GSR: variants seen among roughly 807,000 people sequenced by gnomAD.
GSR encodes glutathione reductase, mitochondrial.
In GSR, 48 loss-of-function variants were observed where a neutral mutation model predicts 56.5. That is an observed-to-expected ratio of 0.85 (90% CI 0.67 to 1.08). The LOEUF (loss-of-function observed/expected upper bound fraction) is 1.08, where lower values mean the gene tolerates loss of function less well. Among genes scored for constraint, GSR ranks in the 50% least tolerant of loss-of-function variants. The pLI, the probability that GSR is intolerant of heterozygous loss-of-function variation, is 0.00. For synonymous variants in GSR, 264 were observed against 270.8 expected (o/e 0.97, Z 0.25); for missense variants, 694 against 703.3 (o/e 0.99, Z 0.15).
At chr8:30,690,137 T>C (rs1471985395) in intron 8 of GSR, among the ~76,000 whole-genome samples, 3 of 138,010 alleles carry the variant, frequency 2.2e-5, no homozygotes, top group Non-Finnish European at 4.6e-5. Flanking sequence ...TAAATATACA[T>C]TTACATATAA....
At chr8:30,697,774 G>A (rs1219101135) in intron 6 of GSR, among the ~76,000 whole-genome samples, 29 of 152,120 alleles carry the variant, frequency 1.9e-4, no homozygotes, top group Admixed American at 1.3e-3. Flanking sequence ...GGCTGGTCTC[G>A]AACTCCTAGG....
chr8:30,723,670 T>C (rs189354994), intron 1 of GSR, among the ~76,000 whole-genome samples: 72 of 151,660 alleles, frequency 4.7e-4, no homozygotes, highest in Admixed American at 1.2e-3. Flanking sequence ...CCTGCGCCTG[T>C]AGTCCCAGCT....
intron 4 of GSR, 108 bp downstream of exon 4, chr8:30,707,964 A>G: frequency 1.5e-6 from 1 of 678,996 alleles, no homozygotes; most frequent in Non-Finnish European, 2.4e-6. Context: ...CTCCAAAAAA[A>G]TAATAATAAA....
chr8:30,693,894 G>A (rs929411535), intron 7 of GSR, among the ~76,000 whole-genome samples: 9 of 152,198 alleles, frequency 5.9e-5, no homozygotes, highest in Non-Finnish European at 7.3e-5. Flanking sequence ...GTGCATTTGG[G>A]ATGGGAGAGG....
intron 10 of GSR, among the ~76,000 whole-genome samples, chr8:30,683,134 A>AT (rs1242135821): frequency 6.6e-6 from 1 of 151,998 alleles, no homozygotes; most frequent in Admixed American, 6.6e-5. Flanking sequence ...CTGAATCTTT[A>AT]TTTTTTTAAT....
In GSR at chr8:30,680,381, G is replaced by GTTTTGTTTTTTTTTTTTTTTTTTTTTTTT. The variant is rs1480095900; in HGVS notation, c.1419+522_1419+523insAAAAAAAAAAAAAAAAAAAAAAAACAAAA. 9.0e-5 allele frequency among the ~76,000 whole-genome samples: 3 copies of GTTTTGTTTTTTTTTTTTTTTTTTTTTTTT among 33,378 alleles called. 1 individual carries two copies. The highest frequency in any genetic ancestry group is 6.3e-5 in the Non-Finnish European group (1 of 15,906). 21.9% of individuals were successfully genotyped at this position (33,378 alleles called of 152,430 possible). ...ACAGCGCCTGGCCCTGGCCTCTCCT[G>GTTTTGTTTTTTTTTTTTTTTTTTTTTTTT]TTTTTTTTTTTTTTTTTTTTTTTTT... On this transcript the variant is annotated intron_variant, in intron 12 of 12. Coordinates refer to ENST00000221130, the MANE Select transcript of GSR (RefSeq NM_000637.5).
intron 7 of GSR, 62 bp downstream of exon 7, chr8:30,696,318 A>G: frequency 8.5e-7 from 1 of 1,171,072 alleles, no homozygotes; most frequent in East Asian, 2.3e-5. Context: ...ACAACATAAG[A>G]AAAAATTCTT....
chr8:30,688,160 G>C (rs1011669204), intron 9 of GSR, among the ~76,000 whole-genome samples: 2 of 152,196 alleles, frequency 1.3e-5, no homozygotes, highest in Non-Finnish European at 2.9e-5. Flanking sequence ...GTACAAGACA[G>C]TTACCCACCC....
At chr8:30,693,184 TG>T in intron 7 of GSR, 129 bp from the exon 8 acceptor site, 1 of 703,962 alleles carries the variant, frequency 1.4e-6, no homozygotes, top group Non-Finnish European at 2.6e-6. Flanking sequence ...ATGGCCATAT[TG>T]GGAGTGGAGT....
At position 30,727,821 on chromosome 8, in the gene GSR, G is replaced by A; in HGVS notation, c.15C>T (p.Pro5=). 1 of 1,247,154 alleles carries A rather than the reference G, an allele frequency of 8.0e-7. No homozygotes were observed. Among genetic ancestry groups the A allele is most frequent in the Non-Finnish European group, 1.0e-6 (1 of 999,914 alleles). The allele number at this position is 1,247,154 out of a possible 1,614,324, so 77.3% of individuals were successfully genotyped here. Residue 5 remains proline (P), a synonymous_variant, in exon 1 of 13, where the codon CCC becomes CCT. Coordinates refer to ENST00000221130, the MANE Select transcript of GSR (RefSeq NM_000637.5). The part of the protein sequence containing the change: MALL[P]RALSAGAGPS... Reference sequence around the variant, plus strand: ...GTCCCGCGCCGGCGCTCAGGGCTCGGGGCAGCAGGGCCATGCACGCGGAAG... The same window carrying A: ...GTCCCGCGCCGGCGCTCAGGGCTCGAGGCAGCAGGGCCATGCACGCGGAAG...
rs1176915883 is a variant in GSR, at chr8:30,717,913, A to G, written c.307-5825T>C. Among the ~76,000 whole-genome samples, 5 of 152,130 alleles carry G rather than the reference A, an allele frequency of 3.3e-5. No individual in the cohort carries two copies. The South Asian group carries it at 8.3e-4, about 25-fold the overall frequency. The stretch of plus-strand genomic sequence containing the variant: ...TCAGGAGTTCAAGACCAGCCTGGCC[A>G]ACATGGTGAAACCTCCGTCTCTAAT... On this transcript the variant is annotated intron_variant, in intron 1 of 12. Coordinates refer to ENST00000221130, the MANE Select transcript of GSR (RefSeq NM_000637.5).
intron 8 of GSR, among the ~76,000 whole-genome samples, chr8:30,691,657 A>G (rs985419420): frequency 6.6e-6 from 1 of 151,552 alleles, no homozygotes; most frequent in African/African-American, 2.4e-5. Context: ...CTCCAGCCTG[A>G]GCAACAGAGA....
intron 8 of GSR, among the ~76,000 whole-genome samples, chr8:30,691,970 A>C (rs1331336956): frequency 1.3e-5 from 2 of 151,486 alleles, no homozygotes; most frequent in Non-Finnish European, 2.9e-5. Context: ...GCGTGGTGGC[A>C]TGTGCCTGTA....
At chr8:30,704,442 A>G (rs1803857727) in intron 4 of GSR, among the ~76,000 whole-genome samples, 1 of 152,186 alleles carries the variant, frequency 6.6e-6, no homozygotes, top group Non-Finnish European at 1.5e-5. Flanking sequence ...AGGGAAACGC[A>G]ATGCTTGTGC....
chr8:30,678,280 A>T lies in GSR; in HGVS notation c.*1240T>A, dbSNP rs1802812032. 1 of 151,254 alleles carries T rather than the reference A, an allele frequency of 6.6e-6. No homozygotes were observed. The highest frequency in any genetic ancestry group is 2.4e-5 in the African/African-American group (1 of 41,244). 9.4% of individuals were successfully genotyped at this position (151,254 alleles called of 1,614,324 possible). ...ATCTTTCTTCAAGGAGTGGTTTTCC[A>T]GGAGGTTCCCAGCCTCCTCAAATCT... On this transcript the variant is annotated 3_prime_UTR_variant, in exon 13 of 13. Transcript: ENST00000221130.
At chr8:30,701,329 G>A (rs773269853) in intron 5 of GSR, among the ~76,000 whole-genome samples, 2 of 152,090 alleles carry the variant, frequency 1.3e-5, no homozygotes, top group Non-Finnish European at 2.9e-5. Context: ...AGCTGAGTGT[G>A]GTGGCGCATG....
At chr8:30,718,650 C>A (rs1035558629) in intron 1 of GSR, among the ~76,000 whole-genome samples, 1 of 152,180 alleles carries the variant, frequency 6.6e-6, no homozygotes, top group African/African-American at 2.4e-5. Context: ...GTTCTCAGGG[C>A]TCTGGTTGCC....
At position 30,712,085 on chromosome 8, in the gene GSR, T is replaced by G; in HGVS notation, c.310A>C (p.Asn104His). Reference sequence around the variant, plus strand: ...ACCTTTTTGGGTACACATCCAACATTCACCTGGAAAAAAAAAAAAGAGACA... The same window carrying G: ...ACCTTTTTGGGTACACATCCAACATGCACCTGGAAAAAAAAAAAAGAGACA... ...ESHKLGGTCV[N>H]VGCVPKKVMW... Residue 104 changes from asparagine to histidine, a missense_variant, in exon 2 of 13, where the codon AAT (asparagine) becomes CAT (histidine). Physicochemically the swap from Asn to His is moderately conservative, Grantham distance 68. Coordinates refer to ENST00000221130, the MANE Select transcript of GSR (RefSeq NM_000637.5). 1.4e-6 allele frequency: 2 copies of G among 1,450,998 alleles called. No homozygotes were observed. Among genetic ancestry groups the G allele is most frequent in the Non-Finnish European group, 9.6e-7 (1 of 1,041,566 alleles). 89.9% of individuals were successfully genotyped at this position (1,450,998 alleles called of 1,614,324 possible).
chr8:30,680,753 C>G, intron 12 of GSR, 151 bp downstream of exon 12: 1 of 747,442 alleles, frequency 1.3e-6, no homozygotes, highest in Non-Finnish European at 2.4e-6. Context: ...TATGAAGAAC[C>G]CCAAAATGCA....
Sources: allele counts gnomAD v4.1 joint callset (sites outside exome capture counted in the v4.1 genomes callset), GRCh38; gene constraint gnomAD v4.1.1; transcripts MANE v1.5; gene names NCBI Gene and HGNC (gene_info 2026-07-23, HGNC 2026-07-21).